The following MYO9A variants were observed in gnomAD, a reference collection of about 807,000 sequenced individuals.
MYO9A encodes myosin IXA, also known as unconventional myosin-IXa.
In MYO9A, 103 loss-of-function variants were observed where a neutral mutation model predicts 293.3. The observed-to-expected ratio is 0.35, with a 90% CI of 0.30 to 0.41. The LOEUF is 0.41. Ranked by LOEUF, MYO9A falls within the 10% of genes least tolerant of loss-of-function variation. The pLI is 1.00. For missense variants in MYO9A, 2,685 were observed against 3,033.0 expected (o/e 0.89, Z 2.69); for synonymous variants, 1,001 against 1,035.7 (o/e 0.97, Z 0.64).
At chr15:71,831,162 TA>T (rs1333839798) in intron 39 of MYO9A, among the ~76,000 whole-genome samples, 1 of 152,220 alleles carries the variant, frequency 6.6e-6, no homozygotes, top group Non-Finnish European at 1.5e-5. Flanking sequence ...AGTGCTGATC[TA>T]AATGTCAGAA....
chr15:72,064,457 T>C (rs1430192418), intron 1 of MYO9A, among the ~76,000 whole-genome samples: 1 of 152,106 alleles, frequency 6.6e-6, no homozygotes. Flanking sequence ...TATGTATCCA[T>C]AAAAATTAAA....
rs780727961 is a variant in MYO9A at position 71,850,765 on chromosome 15, CAAAAAAAAAAAAAAAAAAAAAAA to C, written c.6581+465_6581+487del. Among the ~76,000 whole-genome samples, 224 of 44,134 alleles carry C rather than the reference CAAAAAAAAAAAAAAAAAAAAAAA, an allele frequency of 5.1e-3. 3 individuals are homozygous for C. Among genetic ancestry groups the C allele is most frequent in the African/African-American group, 0.021 (206 of 10,014 alleles). 29.0% of individuals were successfully genotyped at this position (44,134 alleles called of 152,430 possible). A position where few individuals can be genotyped will look rare whatever the true frequency, so the allele number is the denominator to read the frequency against. The stretch of plus-strand genomic sequence containing the variant: ...TGGGTGACAGACTGAAACTGTGTCT[CAAAAAAAAAAAAAAAAAAAAAAA>C]AAAAAAAAAAAAAGAATGCAGAGTA... On this transcript the variant is annotated intron_variant, in intron 37 of 41. Coordinates refer to ENST00000356056, the MANE Select transcript of MYO9A (RefSeq NM_006901.4).
At chr15:72,010,079 C>T (rs780485938) in intron 7 of MYO9A, among the ~76,000 whole-genome samples, 1 of 151,976 alleles carries the variant, frequency 6.6e-6, no homozygotes, top group African/African-American at 2.4e-5. Context: ...TAAGTAAGGT[C>T]CATGGATAGG....
At position 72,007,789 on chromosome 15, in the gene MYO9A, A is replaced by G. The variant is rs781534571; in HGVS notation, c.1380+37T>C. The stretch of plus-strand genomic sequence containing the variant: ...ACAAAATAAAAAATAAAAAGTTACA[A>G]AGATTTGAAATGACAACTGAAAATG... On this transcript the variant is annotated intron_variant, in intron 8 of 41. Transcript: ENST00000356056. 8.8e-6 allele frequency: 14 copies of G among 1,588,268 alleles called. No homozygotes were observed. In the African/African-American group the frequency reaches 1.9e-4, roughly 22 times the overall value.
intron 1 of MYO9A, among the ~76,000 whole-genome samples, chr15:72,116,224 G>A (rs1258220559): frequency 6.6e-6 from 1 of 152,014 alleles, no homozygotes; most frequent in Non-Finnish European, 1.5e-5. Context: ...CGAAACTTTT[G>A]GCTTTTACGT....
chr15:71,941,446 C>A (rs938704672), intron 15 of MYO9A, among the ~76,000 whole-genome samples: 34 of 152,038 alleles, frequency 2.2e-4, no homozygotes, highest in African/African-American at 8.0e-4. Flanking sequence ...AAAACAACAA[C>A]AACAACAACA....
At chr15:71,981,191 G>A (rs1474171355) in intron 11 of MYO9A, among the ~76,000 whole-genome samples, 3 of 152,048 alleles carry the variant, frequency 2.0e-5, no homozygotes, top group African/African-American at 7.2e-5. Context: ...TTTTATTAAT[G>A]TTTGTTTAGA....
At chr15:71,834,553 C>T (rs943884470) in intron 39 of MYO9A, among the ~76,000 whole-genome samples, 3 of 151,988 alleles carry the variant, frequency 2.0e-5, no homozygotes, top group African/African-American at 7.2e-5. Flanking sequence ...AGGTGGATCG[C>T]TTGAGCTCAG....
At chr15:71,937,963 T>C (rs2058681817) in intron 16 of MYO9A, among the ~76,000 whole-genome samples, 1 of 152,114 alleles carries the variant, frequency 6.6e-6, no homozygotes, top group Admixed American at 6.6e-5. Context: ...AATACTACTG[T>C]TAAGAAAACA....
intron 19 of MYO9A, among the ~76,000 whole-genome samples, chr15:71,909,224 A>G (rs1422825023): frequency 6.6e-6 from 1 of 152,218 alleles, no homozygotes; most frequent in Non-Finnish European, 1.5e-5. Context: ...ATCTGTGTAC[A>G]GGTTATTGTG....
At chr15:71,867,303 A>G (rs74022462) in intron 32 of MYO9A, among the ~76,000 whole-genome samples, 473 of 152,316 alleles carry the variant, frequency 3.1e-3, no homozygotes, top group African/African-American at 0.011. Flanking sequence ...TTATTGGAAG[A>G]AAACACTGAG....
At chr15:71,843,797 C>T (rs577566689) in intron 39 of MYO9A, among the ~76,000 whole-genome samples, 82 of 152,278 alleles carry the variant, frequency 5.4e-4, no homozygotes, top group African/African-American at 1.9e-3. Flanking sequence ...TATTGAGAAC[C>T]TTGAAGACGA....
intron 19 of MYO9A, among the ~76,000 whole-genome samples, chr15:71,913,204 T>C (rs2057912178): frequency 6.6e-6 from 1 of 152,312 alleles, no homozygotes; most frequent in Admixed American, 6.5e-5. Flanking sequence ...TAATAAACTA[T>C]GACTTCAAAT....
At chr15:71,956,816 C>T (rs1051486638) in intron 14 of MYO9A, among the ~76,000 whole-genome samples, 1 of 142,256 alleles carries the variant, frequency 7.0e-6, no homozygotes, top group Non-Finnish European at 1.5e-5. Flanking sequence ...TATATATATG[C>T]TATATATGCT....
chr15:71,971,886 GT>G (rs1330899092), intron 12 of MYO9A, among the ~76,000 whole-genome samples: 1 of 151,910 alleles, frequency 6.6e-6, no homozygotes, highest in East Asian at 1.9e-4. Context: ...TTGTTATAAT[GT>G]TGGGGTGCTT....
chr15:71,885,166 T>TG (rs1179274738), intron 27 of MYO9A, among the ~76,000 whole-genome samples: 1 of 152,100 alleles, frequency 6.6e-6, no homozygotes, highest in Non-Finnish European at 1.5e-5. Flanking sequence ...ATCATACTCA[T>TG]GGCCACAGAT....
chr15:71,991,015 T>A, intron 11 of MYO9A, 88 bp downstream of exon 11: 1 of 1,202,430 alleles, frequency 8.3e-7, no homozygotes, highest in East Asian at 2.7e-5. Flanking sequence ...ATCAATAAAA[T>A]GTGTGAAAAA....
At chr15:71,975,177 T>A (rs1021033972) in intron 12 of MYO9A, among the ~76,000 whole-genome samples, 16 of 152,220 alleles carry the variant, frequency 1.1e-4, no homozygotes, top group Non-Finnish European at 1.9e-4. Context: ...GATAATGAAC[T>A]GGACTAATTA....
chr15:72,085,439 G>A (rs540028938), intron 1 of MYO9A, among the ~76,000 whole-genome samples: 1 of 151,048 alleles, frequency 6.6e-6, no homozygotes, highest in East Asian at 1.9e-4. Context: ...GCTGCATTAT[G>A]GAATTCTTGG....
Sources: gnomAD v4.1 joint callset for allele counts (sites outside exome capture counted in the v4.1 genomes callset) on GRCh38, gnomAD v4.1.1 for gene constraint, MANE v1.5 for transcripts, NCBI Gene and HGNC (gene_info 2026-07-23, HGNC 2026-07-21) for gene names.